Variants in CBFA2T2 observed in about 807,000 individuals in gnomAD.
The protein encoded by CBFA2T2 is protein CBFA2T2.
Under a neutral mutation model 62.2 loss-of-function variants are expected in CBFA2T2, and 11 were observed. That is an observed-to-expected ratio of 0.18 (90% CI 0.11 to 0.29). CBFA2T2 has a LOEUF of 0.29. CBFA2T2 is among the 10% of genes least tolerant of loss of function. The pLI is 1.00. For synonymous variants in CBFA2T2, 295 were observed against 287.5 expected, an observed-to-expected ratio of 1.03 and a Z score of -0.27; for missense variants, 592 against 774.1, an observed-to-expected ratio of 0.76 and a Z score of 2.79.
chr20:33,558,613 C>A (rs966390862), intron 1 of CBFA2T2, among the ~76,000 whole-genome samples: 6 of 151,950 alleles, frequency 3.9e-5, no homozygotes, highest in African/African-American at 1.5e-4. Context: ...TTTGCTCAAT[C>A]GTATTGTTTT....
At chr20:33,601,016 A>C (rs1191798884) in intron 1 of CBFA2T2, among the ~76,000 whole-genome samples, 1 of 152,144 alleles carries the variant, frequency 6.6e-6, no homozygotes, top group Non-Finnish European at 1.5e-5. Flanking sequence ...TATAAAACAC[A>C]ATAATAGAAC....
intron 1 of CBFA2T2, among the ~76,000 whole-genome samples, chr20:33,552,377 T>C (rs2012764015): frequency 6.6e-6 from 1 of 152,234 alleles, no homozygotes; most frequent in African/African-American, 2.4e-5. Context: ...TCCTGTCTTC[T>C]GATTTTTGAC....
chr20:33,576,915 A>T (rs926985684), intron 1 of CBFA2T2, among the ~76,000 whole-genome samples: 1 of 152,242 alleles, frequency 6.6e-6, no homozygotes, highest in Non-Finnish European at 1.5e-5. Flanking sequence ...ATGAGATCTT[A>T]TAGCTGCTAC....
At chr20:33,567,808 G>A (rs1044919795) in intron 1 of CBFA2T2, among the ~76,000 whole-genome samples, 11 of 151,476 alleles carry the variant, frequency 7.3e-5, no homozygotes, top group Admixed American at 7.2e-4. Flanking sequence ...GGTTTCGAAC[G>A]CCTGACCTCA....
At chr20:33,543,300 G>A (rs756422481) in intron 1 of CBFA2T2, among the ~76,000 whole-genome samples, 5 of 152,046 alleles carry the variant, frequency 3.3e-5, no homozygotes, top group South Asian at 2.1e-4. Context: ...GTGAGCCACC[G>A]TGCCCGGCGA....
chr20:33,633,992 G>A lies in CBFA2T2; in HGVS notation c.1229-2648G>A, dbSNP rs548990685. Reference sequence around the variant, plus strand: ...TTGTTTGTTTGTTTTTGTTTGAAACGGAGTCTCGCTCTGTCACCTAGGCTG... The same window carrying A: ...TTGTTTGTTTGTTTTTGTTTGAAACAGAGTCTCGCTCTGTCACCTAGGCTG... On this transcript the variant is annotated intron_variant, in intron 8 of 10. Coordinates refer to ENST00000342704, the MANE Select transcript of CBFA2T2 (RefSeq NM_001032999.3). Among the ~76,000 whole-genome samples the A allele has an allele frequency of 2.6e-5, 4 of 151,898 alleles. No individual in the cohort carries two copies. In the South Asian group the frequency reaches 6.2e-4, roughly 24 times the overall value.
At chr20:33,550,161 A>G (rs904941731) in intron 1 of CBFA2T2, among the ~76,000 whole-genome samples, 17 of 152,164 alleles carry the variant, frequency 1.1e-4, no homozygotes, top group African/African-American at 3.9e-4. Context: ...AGTATGAATG[A>G]TACCTTATTT....
chr20:33,602,565 TC>T (rs2015180329), intron 1 of CBFA2T2, among the ~76,000 whole-genome samples: 1 of 151,838 alleles, frequency 6.6e-6, no homozygotes, highest in African/African-American at 2.4e-5. Flanking sequence ...ATACAGTGGT[TC>T]CCCCTTACCC....
chr20:33,550,608 G>GTTATTTAT (rs55635841), intron 1 of CBFA2T2, among the ~76,000 whole-genome samples: 21,361 of 150,072 alleles, frequency 0.14, 1,799 homozygotes, highest in African/African-American at 0.23. Context: ...TACTAATGTG[G>GTTATTTAT]TTATTTATTT....
chr20:33,490,128 TG>T lies in CBFA2T2; in HGVS notation c.-138del. On this transcript the variant is annotated 5_prime_UTR_variant, in exon 1 of 11. Transcript: ENST00000342704. ...GCGGCGACGGCGACAGCAGCGGTGG[TG>T]GTGTCTGGTTAGCTCGGCGGCTGCA... is the stretch of plus-strand genomic sequence containing the variant. The T allele has an allele frequency of 1.4e-6, 1 of 708,116 alleles. No individual in the cohort carries two copies. The highest frequency in any genetic ancestry group is 1.9e-6 in the Non-Finnish European group (1 of 537,570). The allele number at this position is 708,116 out of a possible 1,614,324, so 43.9% of individuals were successfully genotyped here. A position where few individuals can be genotyped will look rare whatever the true frequency, so the allele number is the denominator to read the frequency against.
At chr20:33,545,059 G>C (rs941831202) in intron 1 of CBFA2T2, among the ~76,000 whole-genome samples, 72 of 151,706 alleles carry the variant, frequency 4.7e-4, no homozygotes, top group African/African-American at 1.7e-3. Context: ...CTCTCATGAA[G>C]CTTACAGTTT....
rs756491939 is a variant in CBFA2T2 at position 33,497,547 on chromosome 20, C to CTTT, written c.34+7265_34+7267dup. Among the ~76,000 whole-genome samples, 49 of 114,624 alleles carry CTTT rather than the reference C, an allele frequency of 4.3e-4. 1 individual carries two copies. The highest frequency in any genetic ancestry group is 1.0e-3 in the East Asian group (4 of 3,938). The allele number at this position is 114,624 out of a possible 152,430, so 75.2% of individuals were successfully genotyped here. On this transcript the variant is annotated intron_variant, in intron 1 of 10. Transcript: ENST00000342704. Reference sequence around the variant, plus strand: ...CATGACTGTGTTTGAAGCTTGTATACTTTTTTTTTTTTTTTTTTTTTGAGA... The same window carrying CTTT: ...CATGACTGTGTTTGAAGCTTGTATACTTTTTTTTTTTTTTTTTTTTTTTTGAGA...
At chr20:33,582,042 CT>C (rs2014141339) in intron 1 of CBFA2T2, among the ~76,000 whole-genome samples, 1 of 152,112 alleles carries the variant, frequency 6.6e-6, no homozygotes, top group Non-Finnish European at 1.5e-5. Context: ...TAAATCTTCC[CT>C]TTTTTGTCCC....
chr20:33,517,221 C>T (rs1205302966), intron 1 of CBFA2T2, among the ~76,000 whole-genome samples: 2 of 152,100 alleles, frequency 1.3e-5, no homozygotes, highest in Admixed American at 1.3e-4. Context: ...AATTAATGAA[C>T]CTGTGAAGTT....
intron 1 of CBFA2T2, among the ~76,000 whole-genome samples, chr20:33,548,134 G>A (rs373618181): frequency 1.3e-5 from 2 of 151,992 alleles, no homozygotes; most frequent in Admixed American, 1.3e-4. Context: ...TACAAAGAAG[G>A]CAGGATCTCT....
chr20:33,581,288 A>G (rs1455461016), intron 1 of CBFA2T2, among the ~76,000 whole-genome samples: 3 of 152,060 alleles, frequency 2.0e-5, no homozygotes, highest in Non-Finnish European at 1.5e-5. Flanking sequence ...CAAACTCATG[A>G]TCTTGTGATC....
chr20:33,504,938 C>T (rs2011375307), intron 1 of CBFA2T2, among the ~76,000 whole-genome samples: 1 of 152,084 alleles, frequency 6.6e-6, no homozygotes, highest in Non-Finnish European at 1.5e-5. Flanking sequence ...TGTAGGGTCC[C>T]TTGCTATTTA....
At chr20:33,643,753 C>CTATATA (rs6147333) in intron 10 of CBFA2T2, among the ~76,000 whole-genome samples, 4 of 56,958 alleles carry the variant, frequency 7.0e-5, no homozygotes, top group African/African-American at 1.5e-4. Flanking sequence ...CTCATCTCTA[C>CTATATA]TATATATATA....
chr20:33,534,225 C>T (rs1267206081), intron 1 of CBFA2T2, among the ~76,000 whole-genome samples: 4 of 152,130 alleles, frequency 2.6e-5, no homozygotes, highest in African/African-American at 7.2e-5. Flanking sequence ...AAAATATTTT[C>T]AAGTACTTAC....
Sources: allele counts gnomAD v4.1 joint callset (sites outside exome capture counted in the v4.1 genomes callset), GRCh38; gene constraint gnomAD v4.1.1; transcripts MANE v1.5; gene names NCBI Gene and HGNC (gene_info 2026-07-23, HGNC 2026-07-21).